The following BBS9 variants were observed in gnomAD, a reference collection of about 807,000 sequenced individuals.
BBS9 encodes the protein protein PTHB1.
Under a neutral mutation model 117.7 loss-of-function variants are expected in BBS9, and 89 were observed. That is an observed-to-expected ratio of 0.76 (90% CI 0.64 to 0.90). BBS9 has a LOEUF of 0.90. Ranked by LOEUF, BBS9 falls within the 40% of genes least tolerant of loss-of-function variation. BBS9 has a pLI of 0.00. For synonymous variants in BBS9, 379 were observed against 370.9 expected (o/e 1.02, Z -0.25); for missense variants, 982 against 1,042.2 (o/e 0.94, Z 0.80).
chr7:33,169,293 C>T (rs1796158909), intron 4 of BBS9, among the ~76,000 whole-genome samples: 1 of 150,148 alleles, frequency 6.7e-6, no homozygotes, highest in Non-Finnish European at 1.5e-5. Flanking sequence ...GTCTTTATAG[C>T]AGCATGACTT....
chr7:33,433,806 A>T (rs776877310), intron 19 of BBS9, among the ~76,000 whole-genome samples: 7 of 151,470 alleles, frequency 4.6e-5, no homozygotes, highest in Admixed American at 3.3e-4. Context: ...GATAATCATT[A>T]TGTAAAATTT....
chr7:33,370,305 A>C (rs1207328844), intron 17 of BBS9, among the ~76,000 whole-genome samples: 3 of 151,952 alleles, frequency 2.0e-5, no homozygotes, highest in Non-Finnish European at 2.9e-5. Context: ...TTAAAAAAAA[A>C]AAAAGAAAAG....
intron 19 of BBS9, among the ~76,000 whole-genome samples, chr7:33,488,371 A>G (rs559675912): frequency 1.3e-5 from 2 of 152,076 alleles, no homozygotes; most frequent in Non-Finnish European, 2.9e-5. Context: ...TTTTCCTCAT[A>G]AAAGGGGGAC....
At chr7:33,383,638 G>A (rs1158217280) in intron 17 of BBS9, 28 bp from the exon 18 acceptor site, 1 of 1,576,070 alleles carries the variant, frequency 6.3e-7, no homozygotes, top group Non-Finnish European at 8.7e-7. Context: ...GTGTTACTAA[G>A]CATTTTTCCT....
At chr7:33,435,354 CTT>C (rs1246401999) in intron 19 of BBS9, among the ~76,000 whole-genome samples, 1 of 152,104 alleles carries the variant, frequency 6.6e-6, no homozygotes, top group African/African-American at 2.4e-5. Flanking sequence ...TTTGTTAAAT[CTT>C]TGATACTTTG....
At chr7:33,155,750 T>A in intron 4 of BBS9, 48 bp downstream of exon 4, 1 of 1,088,098 alleles carries the variant, frequency 9.2e-7, no homozygotes, top group Non-Finnish European at 1.4e-6. Context: ...AAATTGGGCT[T>A]AATGTTATAT....
intron 20 of BBS9, among the ~76,000 whole-genome samples, chr7:33,516,804 C>T (rs1162536676): frequency 6.6e-6 from 1 of 152,120 alleles, no homozygotes; most frequent in Non-Finnish European, 1.5e-5. Flanking sequence ...TGGTCTATTG[C>T]CTAACATAGG....
chr7:33,625,376 A>G (rs572256258), intron 21 of BBS9, among the ~76,000 whole-genome samples: 3 of 152,326 alleles, frequency 2.0e-5, no homozygotes, highest in South Asian at 2.1e-4. Flanking sequence ...CTTAACAGCC[A>G]TATGAAGAAG....
chr7:33,514,227 G>C (rs1208191695), intron 20 of BBS9, among the ~76,000 whole-genome samples: 1 of 152,176 alleles, frequency 6.6e-6, no homozygotes, highest in Non-Finnish European at 1.5e-5. Flanking sequence ...CTGTACGGTG[G>C]TGAACTAGAC....
intron 17 of BBS9, among the ~76,000 whole-genome samples, chr7:33,375,741 A>C (rs897617460): frequency 6.6e-6 from 1 of 151,500 alleles, no homozygotes; most frequent in African/African-American, 2.4e-5. Flanking sequence ...ACAGGTGTGC[A>C]CCACCACACC....
chr7:33,388,530 C>T (rs1826454367), intron 19 of BBS9, among the ~76,000 whole-genome samples: 2 of 152,242 alleles, frequency 1.3e-5, no homozygotes, highest in East Asian at 1.9e-4. Context: ...CATAATTCTC[C>T]AATTGTCTTA....
intron 21 of BBS9, among the ~76,000 whole-genome samples, chr7:33,632,990 G>A (rs1865965555): frequency 6.6e-6 from 1 of 152,034 alleles, no homozygotes; most frequent in African/African-American, 2.4e-5. Flanking sequence ...TGAGTGGTCG[G>A]CACTCTAACC....
At chr7:33,376,017 A>G (rs1226785231) in intron 17 of BBS9, among the ~76,000 whole-genome samples, 1 of 152,166 alleles carries the variant, frequency 6.6e-6, no homozygotes, top group Admixed American at 6.5e-5. Context: ...TTAAATGTTT[A>G]TTATGAGTTT....
intron 19 of BBS9, among the ~76,000 whole-genome samples, chr7:33,452,420 A>C (rs1332595330): frequency 6.6e-6 from 1 of 152,132 alleles, no homozygotes; most frequent in Non-Finnish European, 1.5e-5. Context: ...TAGTCAAAAC[A>C]ATGTTCACAA....
intron 19 of BBS9, among the ~76,000 whole-genome samples, chr7:33,451,352 C>T (rs1837841195): frequency 6.6e-6 from 1 of 152,222 alleles, no homozygotes; most frequent in Middle Eastern, 3.4e-3. Flanking sequence ...GCCTTTAATC[C>T]ATTTTAAGTA....
At chr7:33,361,578 C>A (rs1489928879) in intron 16 of BBS9, among the ~76,000 whole-genome samples, 2 of 152,184 alleles carry the variant, frequency 1.3e-5, no homozygotes, top group East Asian at 3.9e-4. Context: ...CAGCTGGATT[C>A]ATTAAATCTT....
At chr7:33,215,311 A>C (rs1788844636) in intron 5 of BBS9, among the ~76,000 whole-genome samples, 1 of 152,244 alleles carries the variant, frequency 6.6e-6, no homozygotes, top group East Asian at 1.9e-4. Context: ...AGACCAGTGG[A>C]ACAGAGTATA....
chr7:33,193,544 C>G (rs2128196816), intron 5 of BBS9, among the ~76,000 whole-genome samples: 1 of 150,672 alleles, frequency 6.6e-6, no homozygotes, highest in East Asian at 2.0e-4. Flanking sequence ...TTTTATGGTG[C>G]TGGTGAATTT....
Position 33,361,933 on chromosome 7 carries a change from C to T in BBS9, c.1693+3938C>T, listed in dbSNP as rs575643001. Among the ~76,000 whole-genome samples the T allele has an allele frequency of 1.7e-4, 26 of 152,128 alleles. No individual in the cohort carries two copies. The South Asian group carries it at 4.6e-3, about 27-fold the overall frequency. On this transcript the variant is annotated intron_variant, in intron 16 of 22. Transcript: ENST00000242067. ...TGTACCATAAATCACACATTTGAAG[C>T]GTATAATTTTGAAAAGTTTGATTTC...
Sources: gnomAD v4.1 joint callset for allele counts (sites outside exome capture counted in the v4.1 genomes callset) on GRCh38, gnomAD v4.1.1 for gene constraint, MANE v1.5 for transcripts, NCBI Gene and HGNC (gene_info 2026-07-23, HGNC 2026-07-21) for gene names.